Variants in PDZD2 observed in about 807,000 individuals in gnomAD.
PDZD2 encodes the protein PDZ domain-containing protein 2.
In PDZD2, 90 loss-of-function variants were observed where a neutral mutation model predicts 220.7. That is an observed-to-expected ratio of 0.41 (90% CI 0.34 to 0.49). PDZD2 has a LOEUF of 0.49. Among genes scored for constraint, PDZD2 ranks in the 20% least tolerant of loss-of-function variants. PDZD2 has a pLI of 0.28. For missense variants in PDZD2, 3,174 were observed against 3,608.5 expected (o/e 0.88, Z 3.08); for synonymous variants, 1,375 against 1,450.5 (o/e 0.95, Z 1.18).
chr5:31,676,692 T>G (rs1746439983), intron 1 of PDZD2, among the ~76,000 whole-genome samples: 1 of 151,454 alleles, frequency 6.6e-6, no homozygotes, highest in Non-Finnish European at 1.5e-5. Flanking sequence ...GTAGCTGGGA[T>G]TACAGGCATC....
intron 2 of PDZD2, among the ~76,000 whole-genome samples, chr5:31,848,354 T>C (rs987827398): frequency 2.0e-5 from 3 of 152,218 alleles, no homozygotes; most frequent in African/African-American, 7.2e-5. Context: ...ACCTACTATA[T>C]GCAAAGTTAG....
At chr5:31,811,431 C>T (rs1415236083) in intron 2 of PDZD2, among the ~76,000 whole-genome samples, 1 of 152,212 alleles carries the variant, frequency 6.6e-6, no homozygotes, top group East Asian at 1.9e-4. Context: ...GCTCTTTGTT[C>T]ACCAAAGGAA....
chr5:31,960,800 TTTATA>T (rs1748155757), intron 2 of PDZD2, among the ~76,000 whole-genome samples: 1 of 152,218 alleles, frequency 6.6e-6, no homozygotes, highest in African/African-American at 2.4e-5. Context: ...GTAATGTAAA[TTTATA>T]TTATATATTT....
Position 32,059,259 on chromosome 5 carries a change from A to G in PDZD2, c.2221A>G (p.Ile741Val). 4 of 1,610,640 alleles carry G rather than the reference A, an allele frequency of 2.5e-6. No homozygotes were observed. In the South Asian group the frequency reaches 4.4e-5, roughly 18 times the overall value. The change falls in exon 13 of 25, where the codon ATT becomes GTT. Residue 741 changes from isoleucine to valine, a missense_variant. By Grantham distance (29) the Ile-to-Val change is conservative. Transcript: ENST00000438447. ...LNKEPRVGLGIGACCLALENS... is the reference protein window; with the variant it reads ...LNKEPRVGLGVGACCLALENS... ...CACAGAGCCAAGAGTTGGATTAGGC[A>G]TTGGTGCCTGCTGCTTGGCTCTGGA...
chr5:32,108,632 T>G lies in PDZD2; in HGVS notation c.*497T>G, dbSNP rs1233902592. ...AGGCACATTCAATGGAAGGAGGAGA[T>G]GTAGGTCTGTATATGTTACCCTGAA... On this transcript the variant is annotated 3_prime_UTR_variant, in exon 25 of 25. Coordinates refer to ENST00000438447, the MANE Select transcript of PDZD2 (RefSeq NM_178140.4). 1 of 152,884 alleles carries G rather than the reference T, an allele frequency of 6.5e-6. No homozygotes were observed. The highest frequency in any genetic ancestry group is 2.4e-5 in the African/African-American group (1 of 41,448). The allele number at this position is 152,884 out of a possible 1,614,324, so 9.5% of individuals were successfully genotyped here.
In PDZD2 at chr5:32,098,266, G is replaced by C. The variant is rs1007709053; in HGVS notation, c.7948-98G>C. 1 of 1,188,438 alleles carries C rather than the reference G, an allele frequency of 8.4e-7. No homozygotes were observed. The highest frequency in any genetic ancestry group is 1.5e-5 in the African/African-American group (1 of 65,166). 73.6% of individuals were successfully genotyped at this position (1,188,438 alleles called of 1,614,324 possible). A position where few individuals can be genotyped will look rare whatever the true frequency, so the allele number is the denominator to read the frequency against. On this transcript the variant is annotated intron_variant, in intron 22 of 24. Transcript: ENST00000438447. The surrounding 1 kb of genome is among the most constrained non-coding windows in gnomAD (Gnocchi z 4.1). ...CAAAAAATAAAAATAAAAAAGGAAG[G>C]TTCCTTTACTACAGATACGCAGTTA...
chr5:31,758,461 C>T (rs1054953596), intron 1 of PDZD2, among the ~76,000 whole-genome samples: 2 of 152,144 alleles, frequency 1.3e-5, no homozygotes, highest in African/African-American at 4.8e-5. Context: ...CAGGCCCTAC[C>T]CTGGGGGACA....
intron 1 of PDZD2, among the ~76,000 whole-genome samples, chr5:31,750,355 A>G (rs1750878970): frequency 6.6e-6 from 1 of 152,198 alleles, no homozygotes; most frequent in South Asian, 2.1e-4. Context: ...TCCTTTGGGC[A>G]GGGCCCTACA....
In PDZD2 at chr5:32,087,469, C is replaced by T. The variant is rs1335457095; in HGVS notation, c.4021C>T (p.Pro1341Ser). The T allele has an allele frequency of 6.2e-7, 1 of 1,613,580 alleles. No individual in the cohort carries two copies. Among genetic ancestry groups the T allele is most frequent in the Admixed American group, 1.7e-5 (1 of 59,972 alleles). The change falls in exon 20 of 25, where the codon CCA (proline) becomes TCA (serine). Residue 1341 changes from proline to serine, a missense_variant. Coordinates refer to ENST00000438447, the MANE Select transcript of PDZD2 (RefSeq NM_178140.4). This position sits in a 1 kb window ranked among gnomAD's most constrained non-coding sequence, Gnocchi z 4.0. ...EGMTPAGAVL[P>S]GDPLTSQEQR... ...AATGACACCAGCTGGTGCTGTCCTGCCAGGAGACCCCCTCACATCCCAGGA... is the reference window on the plus strand; with the variant it reads ...AATGACACCAGCTGGTGCTGTCCTGTCAGGAGACCCCCTCACATCCCAGGA...
chr5:31,975,161 TAA>T (rs1749636459), intron 2 of PDZD2, among the ~76,000 whole-genome samples: 1 of 152,212 alleles, frequency 6.6e-6, no homozygotes, highest in African/African-American at 2.4e-5. Context: ...ACGCTGCTAA[TAA>T]AGACACACCC....
At chr5:31,957,285 G>A (rs1747795208) in intron 2 of PDZD2, among the ~76,000 whole-genome samples, 1 of 152,108 alleles carries the variant, frequency 6.6e-6, no homozygotes. Flanking sequence ...ATGCCTATTG[G>A]CTCCTTTCCC....
chr5:32,008,284 C>CGT (rs1753007435), intron 5 of PDZD2, among the ~76,000 whole-genome samples: 2 of 129,152 alleles, frequency 1.5e-5, no homozygotes, highest in Non-Finnish European at 3.3e-5. Flanking sequence ...TCTTTTGTTT[C>CGT]TTTTTTTTTT....
chr5:31,998,853 G>A (rs139791314), intron 4 of PDZD2, among the ~76,000 whole-genome samples: 35 of 152,394 alleles, frequency 2.3e-4, no homozygotes, highest in African/African-American at 8.4e-4. Context: ...GCTTGGTCTA[G>A]AGGATGCGGT....
At chr5:31,894,702 G>A (rs1039498971) in intron 2 of PDZD2, among the ~76,000 whole-genome samples, 1 of 152,144 alleles carries the variant, frequency 6.6e-6, no homozygotes, top group Non-Finnish European at 1.5e-5. Flanking sequence ...TAAGTTTGGG[G>A]TGAGCTGGTG....
rs879242396 is a variant in PDZD2, at chr5:32,088,247, A to T, written c.4799A>T (p.Glu1600Val). The change falls in exon 20 of 25, where the codon GAG (glutamate) becomes GTG (valine). Residue 1600 changes from glutamate (E) to valine (V), a missense_variant. Transcript: ENST00000438447. The surrounding 1 kb of genome is among the most constrained non-coding windows in gnomAD (Gnocchi z 4.6). Reference protein sequence around the residue: ...DPSESEEEQIEICSTRGCPNP... With the variant: ...DPSESEEEQIVICSTRGCPNP... Reference sequence around the variant, plus strand: ...TCGGAGTCAGAAGAGGAACAGATTGAGATTTGTTCCACACGTGGCTGCCCC... The same window carrying T: ...TCGGAGTCAGAAGAGGAACAGATTGTGATTTGTTCCACACGTGGCTGCCCC... The T allele has an allele frequency of 1.2e-5, 20 of 1,613,934 alleles. No individual in the cohort carries two copies. In the Admixed American group the frequency reaches 3.3e-4, roughly 27 times the overall value.
chr5:31,810,382 C>G, intron 2 of PDZD2, among the ~76,000 whole-genome samples: 1 of 88,854 alleles, frequency 1.1e-5, no homozygotes, highest in East Asian at 3.8e-4. Context: ...CCTGCCTCAG[C>G]CTCCCGAGTA....
At chr5:31,785,134 A>G (rs1176041151) in intron 1 of PDZD2, among the ~76,000 whole-genome samples, 1 of 152,082 alleles carries the variant, frequency 6.6e-6, no homozygotes, top group African/African-American at 2.4e-5. Flanking sequence ...GTGGATGCAA[A>G]CATCCTGCCC....
rs569766144 is a variant in PDZD2 at position 31,944,981 on chromosome 5, G to T, written c.477-38174G>T. Among the ~76,000 whole-genome samples, 16 of 152,340 alleles carry T rather than the reference G, an allele frequency of 1.1e-4. No individual in the cohort carries two copies. The South Asian group carries it at 3.3e-3, about 32-fold the overall frequency. On this transcript the variant is annotated intron_variant, in intron 2 of 24. Transcript: ENST00000438447. ...GGACCAGATGCTCTGCGCTCAGGAG[G>T]ATTGTGTATATGGCTTTCTTCTTTC... is the stretch of plus-strand genomic sequence containing the variant.
At chr5:31,722,134 T>G (rs913876236) in intron 1 of PDZD2, among the ~76,000 whole-genome samples, 1 of 152,222 alleles carries the variant, frequency 6.6e-6, no homozygotes, top group African/African-American at 2.4e-5. Flanking sequence ...CTCTAGACCG[T>G]TCTCACTGTA....
Sources: allele counts gnomAD v4.1 joint callset (sites outside exome capture counted in the v4.1 genomes callset), GRCh38; gene constraint gnomAD v4.1.1; non-coding constraint Gnocchi (gnomAD v3.1); transcripts MANE v1.5; gene names NCBI Gene and HGNC (gene_info 2026-07-23, HGNC 2026-07-21).